The following CACNA1I variants were observed in gnomAD, a reference collection of about 807,000 sequenced individuals.
CACNA1I encodes the protein voltage-dependent T-type calcium channel subunit alpha-1I.
In CACNA1I, 74 loss-of-function variants were observed where a neutral mutation model predicts 201.6. That is an observed-to-expected ratio of 0.37 (90% CI 0.30 to 0.45). The LOEUF (loss-of-function observed/expected upper bound fraction) is 0.45. Ranked by LOEUF, CACNA1I falls within the 20% of genes least tolerant of loss-of-function variation. The pLI is 1.00. For synonymous variants in CACNA1I, 1,431 were observed against 1,345.2 expected (o/e 1.06, Z -1.40); for missense variants, 2,346 against 3,138.1 (o/e 0.75, Z 6.03).
Position 39,659,093 on chromosome 22 carries a change from C to T in CACNA1I, c.2307C>T (p.Leu769=), listed in dbSNP as rs1355628809. 6 of 1,613,110 alleles carry T rather than the reference C, an allele frequency of 3.7e-6. No individual in the cohort carries two copies. The highest frequency in any genetic ancestry group is 2.2e-5 in the East Asian group (1 of 44,896). The stretch of plus-strand genomic sequence containing the variant: ...ACGTGGCCACCTTCTGCATGCTGCT[C>T]ATGCTCTTCATCTTCATCTTCAGGT... ...MDNVATFCML[L]MLFIFIFSIL... Residue 769 remains leucine, a synonymous_variant, in exon 12 of 37, where the codon CTC becomes CTT. Transcript: ENST00000402142. This position sits in a 1 kb window ranked among gnomAD's most constrained non-coding sequence, Gnocchi z 4.3.
chr22:39,584,183 T>G (rs1432299982), intron 1 of CACNA1I, among the ~76,000 whole-genome samples: 2 of 151,920 alleles, frequency 1.3e-5, no homozygotes, highest in African/African-American at 4.8e-5. Context: ...CCTGGGGCAA[T>G]GGGGCATTGA....
rs370614164 is a variant in CACNA1I, at chr22:39,659,070, G to C, written c.2284G>C (p.Val762Leu). ...GGTGCTCATGAAGACCATGGACAAC[G>C]TGGCCACCTTCTGCATGCTGCTCAT... ...LVVLMKTMDN[V>L]ATFCMLLMLF... The change falls in exon 12 of 37, where the codon GTG (valine) becomes CTG (leucine). Residue 762 changes from valine (V) to leucine (L), a missense_variant. Val to Leu is a conservative substitution (Grantham distance 32). Coordinates refer to ENST00000402142, the MANE Select transcript of CACNA1I (RefSeq NM_021096.4). This position sits in a 1 kb window ranked among gnomAD's most constrained non-coding sequence, Gnocchi z 4.3. The C allele has an allele frequency of 6.2e-7, 1 of 1,613,400 alleles. No individual in the cohort carries two copies. The highest frequency in any genetic ancestry group is 1.3e-5 in the African/African-American group (1 of 74,902).
chr22:39,597,569 T>G (rs1932919528), intron 1 of CACNA1I, among the ~76,000 whole-genome samples: 1 of 152,208 alleles, frequency 6.6e-6, no homozygotes, highest in Non-Finnish European at 1.5e-5. Flanking sequence ...CCACCCCATG[T>G]GGTGCAGGCC....
At chr22:39,580,719 G>A (rs1049559950) in intron 1 of CACNA1I, among the ~76,000 whole-genome samples, 9 of 152,128 alleles carry the variant, frequency 5.9e-5, no homozygotes, top group Admixed American at 5.9e-4. Context: ...GCCACGGGTG[G>A]GTGTCTAGCA....
chr22:39,581,783 C>T (rs1932558316), intron 1 of CACNA1I, among the ~76,000 whole-genome samples: 1 of 152,190 alleles, frequency 6.6e-6, no homozygotes, highest in Non-Finnish European at 1.5e-5. Flanking sequence ...TCTTTTTAAT[C>T]AGCCAGGATG....
intron 5 of CACNA1I, among the ~76,000 whole-genome samples, chr22:39,635,181 G>A (rs1335404185): frequency 3.3e-5 from 5 of 152,232 alleles, no homozygotes; most frequent in African/African-American, 4.8e-5. Flanking sequence ...ATGTACCTGC[G>A]TGTATGTGTT....
rs1935042691 is a variant in CACNA1I, at chr22:39,662,206, A to ACCGCCACCG, written c.3146_3154dup (p.Arg1049_Arg1051dup). 2.6e-6 allele frequency: 4 copies of ACCGCCACCG among 1,527,554 alleles called. No individual in the cohort carries two copies. Among genetic ancestry groups the ACCGCCACCG allele is most frequent in the East Asian group, 2.6e-5 (1 of 38,374 alleles). 94.6% of individuals were successfully genotyped at this position (1,527,554 alleles called of 1,614,324 possible). ...ATTCATCACGGGCCCCATCTGGCGC[A>ACCGCCACCG]CCGCCACCGCCACCACCGCCGGACG... On this transcript the variant is annotated inframe_insertion, in exon 17 of 37. Transcript: ENST00000402142.
chr22:39,585,640 G>A (rs1450143078), intron 1 of CACNA1I, among the ~76,000 whole-genome samples: 6 of 146,848 alleles, frequency 4.1e-5, no homozygotes, highest in South Asian at 2.2e-4. Context: ...TGCCCACCTC[G>A]GCCTCCCAAA....
chr22:39,652,426 C>A (rs1934679137), intron 10 of CACNA1I, among the ~76,000 whole-genome samples: 1 of 152,190 alleles, frequency 6.6e-6, no homozygotes, highest in South Asian at 2.1e-4. Context: ...ATCTACTAAG[C>A]AGATGTCTTT....
intron 1 of CACNA1I, among the ~76,000 whole-genome samples, chr22:39,574,368 G>C (rs1305390733): frequency 6.6e-6 from 1 of 152,156 alleles, no homozygotes; most frequent in Non-Finnish European, 1.5e-5. Flanking sequence ...GAGGGGCCAA[G>C]GAGGGTTCCA....
At chr22:39,625,646 C>G (rs528692897) in intron 4 of CACNA1I, among the ~76,000 whole-genome samples, 16 of 152,162 alleles carry the variant, frequency 1.1e-4, no homozygotes, top group Non-Finnish European at 2.4e-4. Flanking sequence ...GGTCCTTGTT[C>G]AGGCCACTCA....
chr22:39,572,079 G>A (rs562675455), intron 1 of CACNA1I, among the ~76,000 whole-genome samples: 171 of 152,320 alleles, frequency 1.1e-3, no homozygotes, highest in African/African-American at 3.9e-3. Context: ...GGAGTGAGGT[G>A]AGGCTGCAGG....
chr22:39,645,212 C>T (rs560679084), intron 7 of CACNA1I, among the ~76,000 whole-genome samples: 39 of 152,296 alleles, frequency 2.6e-4, no homozygotes, highest in Non-Finnish European at 5.0e-4. Context: ...GTCTCGAACT[C>T]CTGACTTCAA....
At chr22:39,683,545 CATTT>C (rs1420727623) in intron 35 of CACNA1I, among the ~76,000 whole-genome samples, 1 of 152,220 alleles carries the variant, frequency 6.6e-6, no homozygotes, top group Non-Finnish European at 1.5e-5. Flanking sequence ...TTTAGCCAAC[CATTT>C]ATTTACGTTT....
Position 39,684,426 on chromosome 22 carries a change from C to T in CACNA1I, c.5955C>T (p.Leu1985=). Residue 1985 remains leucine, a synonymous_variant, in exon 36 of 37, where the codon CTC becomes CTT. Transcript: ENST00000402142. This position sits in a 1 kb window ranked among gnomAD's most constrained non-coding sequence, Gnocchi z 4.6. Reference sequence around the variant, plus strand: ...AAAAGGGCACTGGCACTGGAACCCTCCCCAAGATTGCGCTGCAGGGCTCCT... The same window carrying T: ...AAAAGGGCACTGGCACTGGAACCCTTCCCAAGATTGCGCTGCAGGGCTCCT... ...GPEKGTGTGT[L]PKIALQGSWA... 1.9e-6 allele frequency: 3 copies of T among 1,613,602 alleles called. No individual in the cohort carries two copies. The highest frequency in any genetic ancestry group is 2.5e-6 in the Non-Finnish European group (3 of 1,179,876).
Position 39,659,510 on chromosome 22 carries a change from A to G in CACNA1I, c.2408A>G (p.Asn803Ser). 6.3e-7 allele frequency: 1 copy of G among 1,597,180 alleles called. No individual in the cohort carries two copies. The highest frequency in any genetic ancestry group is 8.5e-7 in the Non-Finnish European group (1 of 1,171,096). The change falls in exon 13 of 37, where the codon AAC becomes AGC. Residue 803 changes from asparagine to serine, a missense_variant. By Grantham distance (46) the Asn-to-Ser change is conservative. This residue lies in a region of CACNA1I where 155 missense variants were observed against 300.8 expected (regional missense o/e 0.52). Transcript: ENST00000402142. This position sits in a 1 kb window ranked among gnomAD's most constrained non-coding sequence, Gnocchi z 4.3. ...DTGDTVPDRK[N>S]FDSLLWAIVT... ...GGAGACACGGTGCCCGACAGGAAGA[A>G]CTTCGACTCCCTGCTGTGGGCCATC...
chr22:39,610,820 A>G (rs988357102), intron 3 of CACNA1I, among the ~76,000 whole-genome samples: 1 of 152,174 alleles, frequency 6.6e-6, no homozygotes, highest in East Asian at 1.9e-4. Context: ...CTCGGGGCTC[A>G]GTGCCGACTC....
chr22:39,679,658 A>T, intron 32 of CACNA1I, 64 bp from the exon 33 acceptor site: 1 of 1,417,930 alleles, frequency 7.1e-7, no homozygotes, highest in Non-Finnish European at 9.6e-7. Context: ...TGTCCTGCCC[A>T]CCCCACAGCC....
chr22:39,654,852 T>G (rs984251199), intron 10 of CACNA1I, among the ~76,000 whole-genome samples: 2 of 152,068 alleles, frequency 1.3e-5, no homozygotes, highest in African/African-American at 4.8e-5. Context: ...GGGCAGACAG[T>G]GCAGGAGGCC....
Sources: gnomAD v4.1 joint callset for allele counts (sites outside exome capture counted in the v4.1 genomes callset) on GRCh38, gnomAD v4.1.1 for gene constraint, gnomAD v4.1.1 regional missense constraint, Gnocchi (gnomAD v3.1) non-coding constraint, MANE v1.5 for transcripts, NCBI Gene and HGNC (gene_info 2026-07-23, HGNC 2026-07-21) for gene names.